ATP8B4: variants seen among roughly 807,000 people sequenced by gnomAD.
ATP8B4 encodes the protein ATPase phospholipid transporting 8B4 (putative).
A neutral mutation model predicts 145.6 loss-of-function variants in ATP8B4; 133 were observed. The observed-to-expected ratio is 0.91, with a 90% CI of 0.79 to 1.05. ATP8B4 has a LOEUF of 1.05. Ranked by LOEUF, ATP8B4 falls within the 50% of genes least tolerant of loss-of-function variation. The pLI, the probability that ATP8B4 is intolerant of heterozygous loss-of-function variation, is 0.00. For missense variants in ATP8B4, 1,458 were observed against 1,425.2 expected (o/e 1.02, Z -0.37); for synonymous variants, 507 against 492.9 (o/e 1.03, Z -0.38).
intron 1 of ATP8B4, among the ~76,000 whole-genome samples, chr15:50,111,037 C>T (rs139219304): frequency 1.2e-3 from 183 of 152,216 alleles, no homozygotes; most frequent in Non-Finnish European, 1.7e-3. Flanking sequence ...TGGTTTTAGA[C>T]ACCTTGATAT....
intron 20 of ATP8B4, among the ~76,000 whole-genome samples, chr15:49,908,813 C>T (rs1422731817): frequency 6.6e-6 from 1 of 152,124 alleles, no homozygotes; most frequent in Non-Finnish European, 1.5e-5. Flanking sequence ...ACGCTGACAG[C>T]AACCCCACTA....
chr15:49,889,257 G>T (rs1444920474), intron 23 of ATP8B4, among the ~76,000 whole-genome samples: 1 of 152,130 alleles, frequency 6.6e-6, no homozygotes, highest in Non-Finnish European at 1.5e-5. Flanking sequence ...CTGATCCTCA[G>T]CTCCTGCAGG....
intron 21 of ATP8B4, among the ~76,000 whole-genome samples, chr15:49,899,802 A>G (rs1273167805): frequency 6.6e-6 from 1 of 152,170 alleles, no homozygotes; most frequent in African/African-American, 2.4e-5. Context: ...ACTAGCAAAA[A>G]CATAGTCAAG....
intron 14 of ATP8B4, among the ~76,000 whole-genome samples, chr15:49,939,322 T>G (rs1464056106): frequency 6.6e-6 from 1 of 151,926 alleles, no homozygotes; most frequent in Admixed American, 6.6e-5. Context: ...AGTTGGTTTT[T>G]TTGAAAGAAT....
At chr15:50,130,952 A>G (rs535071871) in intron 1 of ATP8B4, among the ~76,000 whole-genome samples, 77 of 152,338 alleles carry the variant, frequency 5.1e-4, no homozygotes, top group Non-Finnish European at 1.0e-3. Flanking sequence ...TCACAGTTTC[A>G]GCATGGCTGG....
chr15:49,903,665 G>A lies in ATP8B4; in HGVS notation c.2142-2426C>T, dbSNP rs145542228. Among the ~76,000 whole-genome samples the A allele has an allele frequency of 9.7e-3, 1,478 of 152,268 alleles. 13 individuals are homozygous for A. The highest frequency in any genetic ancestry group is 0.02 in the Middle Eastern group (6 of 294). ...TCCCAGCATTTGGGGAGGCTGAGGC[G>A]GGCAGATCACCTGAGGTCAGGAGTT... On this transcript the variant is annotated intron_variant, in intron 20 of 27. Coordinates refer to ENST00000284509, the MANE Select transcript of ATP8B4 (RefSeq NM_024837.4).
Position 49,901,360 on chromosome 15 carries a change from A to G in ATP8B4, c.2142-121T>C. 3 of 1,039,810 alleles carry G rather than the reference A, an allele frequency of 2.9e-6. No homozygotes were observed. In the South Asian group the frequency reaches 5.7e-5, roughly 20 times the overall value. 64.4% of individuals were successfully genotyped at this position (1,039,810 alleles called of 1,614,324 possible). A position where few individuals can be genotyped will look rare whatever the true frequency, so the allele number is the denominator to read the frequency against. ...CCACTATTCAGAGAGAATATGGCATAAGACCCAGTTTCAGTAAGCAAGCTG... is the reference window on the plus strand; with the variant it reads ...CCACTATTCAGAGAGAATATGGCATGAGACCCAGTTTCAGTAAGCAAGCTG... On this transcript the variant is annotated intron_variant, in intron 20 of 27. Coordinates refer to ENST00000284509, the MANE Select transcript of ATP8B4 (RefSeq NM_024837.4).
At chr15:49,907,400 T>C (rs563526527) in intron 20 of ATP8B4, among the ~76,000 whole-genome samples, 16 of 152,306 alleles carry the variant, frequency 1.1e-4, no homozygotes, top group Non-Finnish European at 2.4e-4. Context: ...ACAAGACCTA[T>C]TCATTCTACC....
At chr15:49,997,570 A>G (rs2047528572) in intron 8 of ATP8B4, among the ~76,000 whole-genome samples, 2 of 152,084 alleles carry the variant, frequency 1.3e-5, no homozygotes. Flanking sequence ...GTCACCCAAG[A>G]TACGCAATGC....
intron 9 of ATP8B4, among the ~76,000 whole-genome samples, chr15:49,996,317 T>C (rs16963173): frequency 0.026 from 4,005 of 152,080 alleles, 206 homozygotes; most frequent in African/African-American, 0.093. Context: ...AGCCAGGAAA[T>C]GGATGGGTGG....
intron 1 of ATP8B4, among the ~76,000 whole-genome samples, chr15:50,173,229 C>T (rs552997566): frequency 7.9e-5 from 12 of 152,276 alleles, no homozygotes; most frequent in Admixed American, 2.0e-4. Flanking sequence ...GCCATGATGA[C>T]GATGGCGGTT....
At chr15:49,997,645 G>T (rs1243435511) in intron 8 of ATP8B4, among the ~76,000 whole-genome samples, 1 of 152,038 alleles carries the variant, frequency 6.6e-6, no homozygotes, top group Non-Finnish European at 1.5e-5. Context: ...AAACATCACT[G>T]TGTGGAATTT....
At chr15:50,043,368 T>C (rs2051455426) in intron 5 of ATP8B4, among the ~76,000 whole-genome samples, 2 of 152,222 alleles carry the variant, frequency 1.3e-5, no homozygotes, top group Admixed American at 1.3e-4. Context: ...AGTTGACCCT[T>C]GAACAACATA....
chr15:49,968,483 G>A (rs888840046), intron 13 of ATP8B4, among the ~76,000 whole-genome samples: 5 of 152,096 alleles, frequency 3.3e-5, no homozygotes, highest in Non-Finnish European at 7.4e-5. Context: ...CCTAGTCTCT[G>A]AAAAAACAGA....
intron 1 of ATP8B4, among the ~76,000 whole-genome samples, chr15:50,163,139 A>C (rs2044545942): frequency 6.6e-6 from 1 of 152,110 alleles, no homozygotes; most frequent in Non-Finnish European, 1.5e-5. Context: ...TATTAAGTTC[A>C]TTTGATGTGG....
chr15:50,040,008 G>A (rs978371747), intron 5 of ATP8B4, among the ~76,000 whole-genome samples: 4 of 152,146 alleles, frequency 2.6e-5, no homozygotes, highest in Admixed American at 2.6e-4. Flanking sequence ...TTCTTCCTAC[G>A]AGTAGAACAA....
At chr15:50,031,435 A>G (rs2050435850) in intron 6 of ATP8B4, among the ~76,000 whole-genome samples, 1 of 152,142 alleles carries the variant, frequency 6.6e-6, no homozygotes, top group Admixed American at 6.5e-5. Context: ...CACAATTGAA[A>G]GGGAATAACT....
At chr15:49,904,578 C>T (rs1044420474) in intron 20 of ATP8B4, among the ~76,000 whole-genome samples, 4 of 152,128 alleles carry the variant, frequency 2.6e-5, no homozygotes, top group Non-Finnish European at 5.9e-5. Flanking sequence ...GACCAAAATG[C>T]ATTTTGTTTG....
At chr15:49,868,096 C>A (rs921250410) in intron 25 of ATP8B4, among the ~76,000 whole-genome samples, 11 of 152,244 alleles carry the variant, frequency 7.2e-5, no homozygotes, top group African/African-American at 2.4e-4. Context: ...CAGAAAACTG[C>A]TCTGTGATAA....
Sources: gnomAD v4.1 joint callset for allele counts (sites outside exome capture counted in the v4.1 genomes callset) on GRCh38, gnomAD v4.1.1 for gene constraint, MANE v1.5 for transcripts, NCBI Gene and HGNC (gene_info 2026-07-23, HGNC 2026-07-21) for gene names.